Variants in FAM135B observed in about 807,000 individuals in gnomAD.
FAM135B encodes the protein family with sequence similarity 135 member B, also known as protein FAM135B.
FAM135B carries 43 observed loss-of-function variants against 127.7 expected under a neutral mutation model. The ratio of observed to expected loss-of-function variants is 0.34; its 90% CI spans 0.26 to 0.43. The LOEUF (loss-of-function observed/expected upper bound fraction) is 0.43, where lower values mean the gene tolerates loss of function less well. FAM135B is among the 20% of genes least tolerant of loss of function. The pLI is 1.00. For synonymous variants in FAM135B, 670 were observed against 665.1 expected, an observed-to-expected ratio of 1.01 and a Z score of -0.11; for missense variants, 1,558 against 1,725.6, an observed-to-expected ratio of 0.90 and a Z score of 1.72.
intron 3 of FAM135B, among the ~76,000 whole-genome samples, chr8:138,270,421 A>T (rs1478171709): frequency 1.3e-5 from 2 of 152,214 alleles, no homozygotes; most frequent in Non-Finnish European, 2.9e-5. Flanking sequence ...TCAGGGCTTC[A>T]TGGGTAGAAG....
At chr8:138,269,185 T>G (rs910726422) in intron 3 of FAM135B, among the ~76,000 whole-genome samples, 6 of 152,228 alleles carry the variant, frequency 3.9e-5, no homozygotes, top group Non-Finnish European at 7.3e-5. Context: ...ATATTGATAC[T>G]TTATAGATCT....
intron 1 of FAM135B, among the ~76,000 whole-genome samples, chr8:138,418,642 T>A (rs547031634): frequency 3.2e-4 from 49 of 152,084 alleles, no homozygotes; most frequent in Non-Finnish European, 5.4e-4. Context: ...AAGCATATAT[T>A]CAGCATCTTT....
chr8:138,491,529 C>T (rs563556957), intron 1 of FAM135B, among the ~76,000 whole-genome samples: 28 of 152,332 alleles, frequency 1.8e-4, no homozygotes, highest in East Asian at 3.9e-4. Context: ...CTCCCTCAAT[C>T]GTTTCCTCAT....
chr8:138,329,122 A>T (rs879513462), intron 2 of FAM135B, among the ~76,000 whole-genome samples: 6 of 152,250 alleles, frequency 3.9e-5, no homozygotes, highest in Non-Finnish European at 7.3e-5. Flanking sequence ...AAAAGCAGAC[A>T]GTGAGGGACA....
At chr8:138,473,752 A>G (rs985974516) in intron 1 of FAM135B, among the ~76,000 whole-genome samples, 6 of 152,176 alleles carry the variant, frequency 3.9e-5, no homozygotes, top group Admixed American at 2.6e-4. Flanking sequence ...AAGATACAAT[A>G]GTGAAAACAA....
chr8:138,277,478 A>C (rs1408333658), intron 3 of FAM135B, among the ~76,000 whole-genome samples: 1 of 152,124 alleles, frequency 6.6e-6, no homozygotes, highest in Non-Finnish European at 1.5e-5. Context: ...CAAGTAATTA[A>C]CTTTCAACTC....
At chr8:138,201,502 T>C (rs568218274) in intron 7 of FAM135B, among the ~76,000 whole-genome samples, 19 of 152,128 alleles carry the variant, frequency 1.2e-4, no homozygotes, top group African/African-American at 4.3e-4. Flanking sequence ...CCATTCTTCA[T>C]AAATTGCTCA....
At chr8:138,447,822 G>A (rs189084099) in intron 1 of FAM135B, among the ~76,000 whole-genome samples, 169 of 135,970 alleles carry the variant, frequency 1.2e-3, no homozygotes, top group African/African-American at 4.5e-3. Context: ...AAAAAAAAAA[G>A]AAAAAATAAA....
At chr8:138,336,329 G>A (rs1563911340) in intron 2 of FAM135B, among the ~76,000 whole-genome samples, 1 of 152,034 alleles carries the variant, frequency 6.6e-6, no homozygotes, top group African/African-American at 2.4e-5. Flanking sequence ...CTGGTTTTTT[G>A]AAAAGACCAA....
In FAM135B at chr8:138,243,083, A is replaced by G. The variant is rs1359741785; in HGVS notation, c.543-15T>C. ...GACGAGTAAAACTAAACAAAAGATAATTGAAAGGGTGAAAAAGGAGGTAAA... is the reference window on the plus strand; with the variant it reads ...GACGAGTAAAACTAAACAAAAGATAGTTGAAAGGGTGAAAAAGGAGGTAAA... On this transcript the variant is annotated splice_polypyrimidine_tract_variant and intron_variant, in intron 6 of 19. Transcript: ENST00000395297. The surrounding 1 kb of genome is among the most constrained non-coding windows in gnomAD (Gnocchi z 7.5). 1 of 1,601,894 alleles carries G rather than the reference A, an allele frequency of 6.2e-7. No individual in the cohort carries two copies. Among genetic ancestry groups the G allele is most frequent in the African/African-American group, 1.3e-5 (1 of 74,198 alleles).
rs560960414 is a variant in FAM135B, at chr8:138,473,854, C to T, written c.-20+22817G>A. 5.3e-5 allele frequency among the ~76,000 whole-genome samples: 8 copies of T among 151,244 alleles called. No homozygotes were observed. In the East Asian group the frequency reaches 1.6e-3, roughly 29 times the overall value. On this transcript the variant is annotated intron_variant, in intron 1 of 19. Coordinates refer to ENST00000395297, the MANE Select transcript of FAM135B (RefSeq NM_015912.4). The stretch of plus-strand genomic sequence containing the variant: ...ACAGAGAGAGAGAGAGAGAGAGAGA[C>T]TTTTCAATCATAATTTTATTGTTTT...
intron 7 of FAM135B, among the ~76,000 whole-genome samples, chr8:138,204,035 T>A (rs1817366474): frequency 6.6e-6 from 1 of 152,174 alleles, no homozygotes; most frequent in Non-Finnish European, 1.5e-5. Context: ...GGAGAGTGGC[T>A]GTAAATACAC....
intron 1 of FAM135B, among the ~76,000 whole-genome samples, chr8:138,368,633 A>T (rs916682126): frequency 5.9e-5 from 9 of 152,182 alleles, no homozygotes. Context: ...AGCGTGGCAC[A>T]TAGAGCATGT....
chr8:138,133,819 C>G (rs1165225465), intron 19 of FAM135B, among the ~76,000 whole-genome samples: 1 of 152,136 alleles, frequency 6.6e-6, no homozygotes, highest in Non-Finnish European at 1.5e-5. Flanking sequence ...CTTTCCCAGA[C>G]TGGGATGGAC....
At chr8:138,181,317 T>A (rs1815011283) in intron 9 of FAM135B, among the ~76,000 whole-genome samples, 1 of 152,180 alleles carries the variant, frequency 6.6e-6, no homozygotes, top group South Asian at 2.1e-4. Flanking sequence ...CAAAACCTCC[T>A]GGCTAGAGAG....
chr8:138,335,045 A>C (rs1026655585), intron 2 of FAM135B, among the ~76,000 whole-genome samples: 2 of 152,156 alleles, frequency 1.3e-5, no homozygotes, highest in African/African-American at 4.8e-5. Flanking sequence ...TGAGGAATAC[A>C]TTTTTTCTTA....
At chr8:138,174,919 G>T (rs926796951) in intron 11 of FAM135B, among the ~76,000 whole-genome samples, 3 of 152,058 alleles carry the variant, frequency 2.0e-5, no homozygotes, top group Non-Finnish European at 4.4e-5. Flanking sequence ...TGAGATAGTG[G>T]ATTTGTCTGT....
rs114287697 is a variant in FAM135B, at chr8:138,151,918, T to C, written c.2557A>G (p.Lys853Glu). The change falls in exon 13 of 20, where the codon AAG becomes GAG. Residue 853 changes from lysine to glutamate, a missense_variant. Lys to Glu is a moderately conservative substitution (Grantham distance 56). Around this residue, in one of 5 missense-constraint regions of FAM135B, gnomAD observed 923 missense variants for 865.3 expected, o/e 1.07. Transcript: ENST00000395297. ...CAGTGTCCTTGAGCATCAAACTGCT[T>C]CCCTTTCCCTTTGGGGATGTCTATG... ...GYIDIPKGKGKQFDAQGHCLP... is the reference protein window; with the variant it reads ...GYIDIPKGKGEQFDAQGHCLP... 9.4e-4 allele frequency: 1,519 copies of C among 1,614,136 alleles called. 9 individuals carry two copies. The African/African-American group carries it at 0.018, about 19-fold the overall frequency.
At chr8:138,466,028 GGCCTCCCAACGT>G (rs1837362526) in intron 1 of FAM135B, among the ~76,000 whole-genome samples, 1 of 152,032 alleles carries the variant, frequency 6.6e-6, no homozygotes, top group African/African-American at 2.4e-5. Flanking sequence ...TGCCTGCCTC[GGCCTCCCAACGT>G]GCTGGGATTA....
Sources: gnomAD v4.1 joint callset for allele counts (sites outside exome capture counted in the v4.1 genomes callset) on GRCh38, gnomAD v4.1.1 for gene constraint, gnomAD v4.1.1 regional missense constraint, Gnocchi (gnomAD v3.1) non-coding constraint, MANE v1.5 for transcripts, NCBI Gene and HGNC (gene_info 2026-07-23, HGNC 2026-07-21) for gene names.